SLC7A2: variants seen among roughly 807,000 people sequenced by gnomAD.
SLC7A2 encodes the protein solute carrier family 7 member 2, also known as cationic amino acid transporter 2.
In SLC7A2, 48 loss-of-function variants were observed where a neutral mutation model predicts 58.9. The observed-to-expected ratio is 0.82, with a 90% CI of 0.65 to 1.04. The LOEUF is 1.04. Ranked by LOEUF, SLC7A2 falls within the 50% of genes least tolerant of loss-of-function variation. The pLI is 0.00. For missense variants in SLC7A2, 1,029 were observed against 818.8 expected (o/e 1.26, Z -3.13); for synonymous variants, 363 against 314.5 (o/e 1.15, Z -1.63).
chr8:17,525,333 A>G (rs1330615462), intron 2 of SLC7A2, among the ~76,000 whole-genome samples: 1 of 152,212 alleles, frequency 6.6e-6, no homozygotes, highest in Non-Finnish European at 1.5e-5. Flanking sequence ...TTCACTATGT[A>G]TATTAAAACA....
At chr8:17,503,782 C>A (rs1304986082) in intron 2 of SLC7A2, among the ~76,000 whole-genome samples, 1 of 152,148 alleles carries the variant, frequency 6.6e-6, no homozygotes, top group African/African-American at 2.4e-5. Flanking sequence ...GTTTAATGAT[C>A]ATATGAAACA....
At chr8:17,520,993 G>A (rs1800991989) in intron 2 of SLC7A2, among the ~76,000 whole-genome samples, 1 of 152,114 alleles carries the variant, frequency 6.6e-6, no homozygotes, top group South Asian at 2.1e-4. Context: ...TTCAGGCTTA[G>A]TATTTTTTAG....
chr8:17,553,752 T>C (rs1253530029), intron 7 of SLC7A2, among the ~76,000 whole-genome samples: 1 of 152,234 alleles, frequency 6.6e-6, no homozygotes, highest in African/African-American at 2.4e-5. Context: ...CACTCCATCC[T>C]GGGTGACAGA....
At chr8:17,549,268 A>G (rs1056322169) in intron 5 of SLC7A2, among the ~76,000 whole-genome samples, 1 of 152,332 alleles carries the variant, frequency 6.6e-6, no homozygotes, top group African/African-American at 2.4e-5. Context: ...ACCAGAAGGC[A>G]TATGTGGGTT....
rs1803222767 is a variant in SLC7A2, at chr8:17,565,396, G to A, written c.*250G>A. 2.3e-6 allele frequency: 1 copy of A among 432,428 alleles called. No homozygotes were observed. The highest frequency in any genetic ancestry group is 3.9e-5 in the East Asian group (1 of 25,574). The allele number at this position is 432,428 out of a possible 1,614,324, so 26.8% of individuals were successfully genotyped here. On this transcript the variant is annotated 3_prime_UTR_variant, in exon 13 of 13. Coordinates refer to ENST00000494857, the MANE Select transcript of SLC7A2 (RefSeq NM_001370338.1). ...AAACAGTGGGAGTGTGTATGTATGT[G>A]TGTATGTATGTATCTATGTATATGC...
In SLC7A2 at chr8:17,554,642, A is replaced by G; in HGVS notation, c.1138A>G (p.Ile380Val). ...DGLLFKCLAQ[I>V]NSKTKTPIIA... ...GTTGCTTTTCAAATGTCTAGCTCAA[A>G]TCAATTCCAAAACGAAGACACCAAT... The change falls in exon 8 of 13, where the codon ATC becomes GTC. Residue 380 changes from isoleucine to valine, a missense_variant. Physicochemically the swap from Ile to Val is conservative, Grantham distance 29. Coordinates refer to ENST00000494857, the MANE Select transcript of SLC7A2 (RefSeq NM_001370338.1). 1.2e-6 allele frequency: 2 copies of G among 1,613,574 alleles called. No individual in the cohort carries two copies. The highest frequency in any genetic ancestry group is 1.7e-6 in the Non-Finnish European group (2 of 1,179,860).
chr8:17,558,559 G>A (rs1423418059), intron 9 of SLC7A2, among the ~76,000 whole-genome samples, 162 bp downstream of exon 9: 2 of 152,186 alleles, frequency 1.3e-5, no homozygotes, highest in Non-Finnish European at 2.9e-5. Context: ...AGCGTATCTG[G>A]TCTTTAGCAA....
intron 2 of SLC7A2, among the ~76,000 whole-genome samples, chr8:17,536,185 T>A (rs1801657641): frequency 6.6e-6 from 1 of 152,048 alleles, no homozygotes; most frequent in Admixed American, 6.6e-5. Context: ...CCTGACTAGC[T>A]CTTACATGCT....
At chr8:17,538,630 C>G (rs550692209) in intron 2 of SLC7A2, 1 of 552,348 alleles carries the variant, frequency 1.8e-6, no homozygotes, top group Admixed American at 3.7e-5. Flanking sequence ...ATTTAACCCA[C>G]GTTATAATTT....
At chr8:17,529,436 G>A (rs774062498) in intron 2 of SLC7A2, among the ~76,000 whole-genome samples, 2 of 152,096 alleles carry the variant, frequency 1.3e-5, no homozygotes, top group Non-Finnish European at 2.9e-5. Context: ...GGGAGCAAGA[G>A]GACACATTGT....
intron 10 of SLC7A2, 32 bp downstream of exon 10, chr8:17,560,565 AC>A: frequency 6.4e-7 from 1 of 1,551,064 alleles, no homozygotes; most frequent in Non-Finnish European, 8.9e-7. Context: ...CATTGTACAG[AC>A]CCAGAAGATG....
intron 2 of SLC7A2, chr8:17,538,773 T>G: frequency 6.2e-7 from 1 of 1,609,174 alleles, no homozygotes; most frequent in Non-Finnish European, 8.5e-7. Context: ...TTTTTTTCCA[T>G]CAGTCCCAAA....
At position 17,565,100 on chromosome 8, in the gene SLC7A2, A is replaced by G. The variant is rs1425010575; in HGVS notation, c.1931A>G (p.Asn644Ser). ...AIQANDHHPRNLSSPFIFHEK... is the reference protein window; with the variant it reads ...AIQANDHHPRSLSSPFIFHEK... ...CAAGCAAATGACCATCACCCAAGAA[A>G]TCTCAGTTCACCTTTCATATTCCAT... Residue 644 changes from asparagine to serine, a missense_variant, in exon 13 of 13, where the codon AAT (asparagine) becomes AGT (serine). Transcript: ENST00000494857. 1 of 1,613,938 alleles carries G rather than the reference A, an allele frequency of 6.2e-7. No homozygotes were observed. The highest frequency in any genetic ancestry group is 1.7e-5 in the Admixed American group (1 of 59,986).
intron 8 of SLC7A2, among the ~76,000 whole-genome samples, chr8:17,557,450 G>T (rs778001996): frequency 3.3e-5 from 5 of 152,100 alleles, no homozygotes; most frequent in Admixed American, 3.3e-4. Flanking sequence ...GGAATGCATG[G>T]CTTTAATCGT....
chr8:17,547,111 A>T (rs1011781510), intron 4 of SLC7A2, among the ~76,000 whole-genome samples: 2 of 152,184 alleles, frequency 1.3e-5, no homozygotes, highest in African/African-American at 4.8e-5. Context: ...GTATTAGTCC[A>T]TTTTCATACT....
At chr8:17,537,542 G>T (rs2067390867) in intron 2 of SLC7A2, among the ~76,000 whole-genome samples, 1 of 152,146 alleles carries the variant, frequency 6.6e-6, no homozygotes, top group Non-Finnish European at 1.5e-5. Context: ...TGTCTCTCTG[G>T]TCCAGTGATC....
At chr8:17,542,333 A>C (rs940320385) in intron 2 of SLC7A2, among the ~76,000 whole-genome samples, 1 of 152,206 alleles carries the variant, frequency 6.6e-6, no homozygotes, top group East Asian at 1.9e-4. Flanking sequence ...TATTCCCAGC[A>C]CAATTCCTGG....
intron 2 of SLC7A2, among the ~76,000 whole-genome samples, chr8:17,538,161 C>G (rs890549037): frequency 2.0e-5 from 3 of 152,186 alleles, no homozygotes; most frequent in Non-Finnish European, 4.4e-5. Flanking sequence ...TGTTTTTAGT[C>G]TAACTTCCTG....
intron 8 of SLC7A2, 121 bp downstream of exon 8, chr8:17,554,820 G>T (rs79839916): frequency 6.9e-7 from 1 of 1,445,350 alleles, no homozygotes; most frequent in Admixed American, 2.3e-5. Context: ...TCACTTTTTT[G>T]TGAGTGTTTC....
Sources: allele counts gnomAD v4.1 joint callset (sites outside exome capture counted in the v4.1 genomes callset), GRCh38; gene constraint gnomAD v4.1.1; transcripts MANE v1.5; gene names NCBI Gene and HGNC (gene_info 2026-07-23, HGNC 2026-07-21).